ADGRL3: variants seen among roughly 807,000 people sequenced by gnomAD.
ADGRL3 encodes the protein adhesion G protein-coupled receptor L3.
Under a neutral mutation model 153.5 loss-of-function variants are expected in ADGRL3, and 62 were observed. The observed-to-expected ratio is 0.40, with a 90% CI of 0.33 to 0.50. ADGRL3 has a LOEUF of 0.50. Ranked by LOEUF, ADGRL3 falls within the 20% of genes least tolerant of loss-of-function variation. The probability of loss-of-function intolerance (pLI) is 0.47; values close to 1 mark genes in which losing one functional copy is unlikely to be tolerated. For synonymous variants in ADGRL3, 710 were observed against 672.5 expected (o/e 1.06, Z -0.86); for missense variants, 1,641 against 1,859.4 (o/e 0.88, Z 2.16).
intron 2 of ADGRL3, among the ~76,000 whole-genome samples, chr4:61,408,209 A>C (rs2097029150): frequency 6.6e-6 from 1 of 152,048 alleles, no homozygotes; most frequent in Non-Finnish European, 1.5e-5. Context: ...GATCACATAA[A>C]ATTGACTATT....
chr4:61,366,945 C>A (rs777510405), intron 1 of ADGRL3, among the ~76,000 whole-genome samples: 8 of 152,074 alleles, frequency 5.3e-5, no homozygotes, highest in Non-Finnish European at 8.8e-5. Context: ...AGTTAGCTAG[C>A]CCCACTTTAG....
chr4:61,820,358 T>A (rs1025837346), intron 9 of ADGRL3, among the ~76,000 whole-genome samples: 1 of 152,124 alleles, frequency 6.6e-6, no homozygotes, highest in Non-Finnish European at 1.5e-5. Context: ...TATTACTGAA[T>A]AGGGGTGTAA....
rs140170387 is a variant in ADGRL3, at chr4:62,061,006, C to G, written c.3815-7160C>G. Among the ~76,000 whole-genome samples, 28 of 151,912 alleles carry G rather than the reference C, an allele frequency of 1.8e-4. No individual in the cohort carries two copies. In the East Asian group the frequency reaches 4.6e-3, roughly 25 times the overall value. On this transcript the variant is annotated intron_variant, in intron 25 of 26. Coordinates refer to ENST00000683033, the MANE Select transcript of ADGRL3 (RefSeq NM_001387552.1). The stretch of plus-strand genomic sequence containing the variant: ...GAGTTATTTCCTGAATGAACTGGTG[C>G]CTTCCAACTCTAGAGATCTGACAAG...
At chr4:61,577,852 A>G (rs556279839) in intron 4 of ADGRL3, among the ~76,000 whole-genome samples, 58 of 152,060 alleles carry the variant, frequency 3.8e-4, no homozygotes, top group Non-Finnish European at 6.8e-4. Context: ...ACCAAATTTG[A>G]CAATGAATGT....
intron 23 of ADGRL3, among the ~76,000 whole-genome samples, chr4:62,032,652 A>G (rs972072097): frequency 4.0e-5 from 6 of 151,766 alleles, no homozygotes; most frequent in Non-Finnish European, 7.4e-5. Flanking sequence ...AACAAAGGAA[A>G]TAAAAAGTAA....
intron 18 of ADGRL3, 24 bp from the exon 19 acceptor site, chr4:61,983,359 T>G: frequency 6.3e-7 from 1 of 1,595,074 alleles, no homozygotes. Flanking sequence ...GAGATTTGAC[T>G]AAATCATTTG....
chr4:61,562,384 T>G (rs1192703731), intron 4 of ADGRL3, among the ~76,000 whole-genome samples: 1 of 152,164 alleles, frequency 6.6e-6, no homozygotes, highest in East Asian at 1.9e-4. Flanking sequence ...ACTCTCCCTT[T>G]CACACAATAT....
intron 9 of ADGRL3, among the ~76,000 whole-genome samples, chr4:61,841,249 CT>C (rs1294580095): frequency 2.6e-5 from 4 of 152,126 alleles, no homozygotes; most frequent in Non-Finnish European, 2.9e-5. Flanking sequence ...AAAGAAAATC[CT>C]TAGGCATAAC....
At chr4:61,842,136 T>G (rs1388650556) in intron 9 of ADGRL3, among the ~76,000 whole-genome samples, 1 of 152,214 alleles carries the variant, frequency 6.6e-6, no homozygotes, top group Admixed American at 6.5e-5. Flanking sequence ...TCTATACAGT[T>G]AAAACATTTT....
At chr4:61,785,811 C>T (rs2097269597) in intron 8 of ADGRL3, among the ~76,000 whole-genome samples, 1 of 152,122 alleles carries the variant, frequency 6.6e-6, no homozygotes, top group Non-Finnish European at 1.5e-5. Context: ...ATCTTTCTTG[C>T]TAAGATTAAT....
At chr4:61,999,451 A>T (rs1560486530) in intron 21 of ADGRL3, among the ~76,000 whole-genome samples, 2 of 152,266 alleles carry the variant, frequency 1.3e-5, no homozygotes, top group African/African-American at 4.8e-5. Context: ...TTAGAAAGAT[A>T]GTAATATTTA....
At chr4:61,679,759 A>G (rs2150955018) in intron 6 of ADGRL3, among the ~76,000 whole-genome samples, 1 of 152,190 alleles carries the variant, frequency 6.6e-6, no homozygotes, top group Admixed American at 6.6e-5. Flanking sequence ...GGCAAAGATT[A>G]GATTTGGGTC....
chr4:61,807,168 G>C lies in ADGRL3; in HGVS notation c.1400-6641G>C, dbSNP rs191819393. The stretch of plus-strand genomic sequence containing the variant: ...ATTCACCAGTTTATTTTCAGTACTT[G>C]GTATCAATCACATAGTAGACCCACA... On this transcript the variant is annotated intron_variant, in intron 8 of 26. Transcript: ENST00000683033. Among the ~76,000 whole-genome samples the C allele has an allele frequency of 2.2e-3, 334 of 151,914 alleles. 2 individuals carry two copies. Among genetic ancestry groups the C allele is most frequent in the Non-Finnish European group, 1.7e-3 (114 of 67,914 alleles).
chr4:61,792,753 G>T lies in ADGRL3; in HGVS notation c.1400-21056G>T, dbSNP rs148607829. On this transcript the variant is annotated intron_variant, in intron 8 of 26. Transcript: ENST00000683033. ...TCTGCCCGCCTCAGCCTCCCAAGGT[G>T]CTGGGATTACAGGCATTGGCCACAG... Among the ~76,000 whole-genome samples, 795 of 152,140 alleles carry T rather than the reference G, an allele frequency of 5.2e-3. 10 individuals are homozygous for T. The highest frequency in any genetic ancestry group is 0.018 in the African/African-American group (751 of 41,508).
At chr4:61,300,829 GATC>G (rs2094558788) in intron 1 of ADGRL3, among the ~76,000 whole-genome samples, 1 of 148,370 alleles carries the variant, frequency 6.7e-6, no homozygotes, top group South Asian at 2.1e-4. Context: ...GCAGTGGCGT[GATC>G]TCAGCTCACT....
chr4:61,552,291 T>C (rs1038883098), intron 4 of ADGRL3, among the ~76,000 whole-genome samples: 5 of 152,180 alleles, frequency 3.3e-5, no homozygotes, highest in African/African-American at 1.2e-4. Context: ...TTCAGGTAAC[T>C]GGTTACAGAC....
chr4:61,391,855 C>CTCTT (rs1371326874), intron 2 of ADGRL3, among the ~76,000 whole-genome samples: 3 of 93,654 alleles, frequency 3.2e-5, no homozygotes, highest in African/African-American at 1.2e-4. Flanking sequence ...AAAAATGCTA[C>CTCTT]TTTTTTTTTT....
intron 8 of ADGRL3, among the ~76,000 whole-genome samples, chr4:61,803,440 T>C (rs887505563): frequency 1.3e-5 from 2 of 152,098 alleles, no homozygotes; most frequent in Non-Finnish European, 1.5e-5. Flanking sequence ...AATCTTGGAG[T>C]CTGTGATATG....
chr4:61,733,186 A>G lies in ADGRL3; in HGVS notation c.1031A>G (p.Tyr344Cys), dbSNP rs1270745090. Reference protein sequence around the residue: ...AVDENGLWVIYATEQNNGKIV... With the variant: ...AVDENGLWVICATEQNNGKIV... ...GATGAGAATGGGCTATGGGTAATCT[A>G]TGCAACAGAACAAAACAATGGTAAA... The change falls in exon 8 of 27, where the codon TAT becomes TGT. Residue 344 changes from tyrosine (Y) to cysteine (C), a missense_variant. Tyr to Cys is a radical substitution (Grantham distance 194). Coordinates refer to ENST00000683033, the MANE Select transcript of ADGRL3 (RefSeq NM_001387552.1). The G allele has an allele frequency of 6.2e-7, 1 of 1,613,438 alleles. No individual in the cohort carries two copies. Among genetic ancestry groups the G allele is most frequent in the Non-Finnish European group, 8.5e-7 (1 of 1,179,686 alleles).
Sources: gnomAD v4.1 joint callset for allele counts (sites outside exome capture counted in the v4.1 genomes callset) on GRCh38, gnomAD v4.1.1 for gene constraint, MANE v1.5 for transcripts, NCBI Gene and HGNC (gene_info 2026-07-23, HGNC 2026-07-21) for gene names.